GCNT1: variants seen among roughly 807,000 people sequenced by gnomAD.
GCNT1 encodes the protein glucosaminyl (N-acetyl) transferase 1, also known as beta-1,3-galactosyl-O-glycosyl-glycoprotein beta-1,6-N-acetylglucosaminyltransferase.
In GCNT1, 16 loss-of-function variants were observed where a neutral mutation model predicts 26.2. The ratio of observed to expected loss-of-function variants is 0.61; its 90% CI spans 0.41 to 0.93. The LOEUF is 0.93. GCNT1 is among the 40% of genes least tolerant of loss of function. The probability of loss-of-function intolerance (pLI) is 0.00; values close to 1 mark genes in which losing one functional copy is unlikely to be tolerated. For synonymous variants in GCNT1, 183 were observed against 190.8 expected (o/e 0.96, Z 0.34); for missense variants, 477 against 526.7 (o/e 0.91, Z 0.92).
upstream of GCNT1, among the ~76,000 whole-genome samples, chr9:76,436,756 A>T (rs35889208): frequency 0.39 from 59,721 of 152,034 alleles, 11,995 homozygotes; most frequent in Non-Finnish European, 0.44. Context: ...CTAACCTAAT[A>T]TAGGAAGTAA....
intron 2 of GCNT1, among the ~76,000 whole-genome samples, chr9:76,483,188 A>AT (rs1731822152): frequency 6.6e-6 from 1 of 152,150 alleles, no homozygotes; most frequent in African/African-American, 2.4e-5. Context: ...AATAATTAAA[A>AT]TTTTAAAAAA....
At chr9:76,452,516 A>C (rs188399178) in intron 1 of GCNT1, among the ~76,000 whole-genome samples, 1 of 152,330 alleles carries the variant, frequency 6.6e-6, no homozygotes, top group Non-Finnish European at 1.5e-5. Flanking sequence ...CACAGAAAGC[A>C]TGGCTTGGGA....
chr9:76,417,866 C>T (rs1209622583), upstream of GCNT1, among the ~76,000 whole-genome samples: 1 of 152,030 alleles, frequency 6.6e-6, no homozygotes, highest in African/African-American at 2.4e-5. Flanking sequence ...TGTAGAGGGG[C>T]CAAGGGAAAG....
chr9:76,458,951 C>T (rs750683429), upstream of GCNT1, among the ~76,000 whole-genome samples: 2 of 152,268 alleles, frequency 1.3e-5, no homozygotes, highest in African/African-American at 4.8e-5. Context: ...AGACGCCGCT[C>T]ACACACCTCT....
At chr9:76,482,529 C>T (rs1334874909) in intron 2 of GCNT1, among the ~76,000 whole-genome samples, 2 of 151,788 alleles carry the variant, frequency 1.3e-5, no homozygotes, top group East Asian at 3.9e-4. Context: ...GAGGCTGAGG[C>T]AGGAGAATGG....
chr9:76,393,876 C>G, the GCNT1 span: 1 of 554,070 alleles, frequency 1.8e-6, no homozygotes, highest in Non-Finnish European at 3.2e-6. Context: ...CCCCTCAACC[C>G]CGTCCCCGCG....
chr9:76,403,255 G>A, the GCNT1 span, among the ~76,000 whole-genome samples: 1 of 152,192 alleles, frequency 6.6e-6, no homozygotes, highest in Non-Finnish European at 1.5e-5. Flanking sequence ...AATCAAGGGT[G>A]TGATGATTAC....
chr9:76,438,084 A>T (rs1369632623), upstream of GCNT1, among the ~76,000 whole-genome samples: 1 of 152,132 alleles, frequency 6.6e-6, no homozygotes, highest in East Asian at 1.9e-4. Flanking sequence ...GTCTCAAGCA[A>T]TTTAGAGACT....
intron 2 of GCNT1, among the ~76,000 whole-genome samples, chr9:76,493,554 C>T (rs899169746): frequency 1.3e-5 from 2 of 152,152 alleles, no homozygotes; most frequent in Non-Finnish European, 2.9e-5. Context: ...GGGCCAAATT[C>T]CCCTCCCCCT....
chr9:76,443,077 A>G (rs1296938573), intron 1 of GCNT1, among the ~76,000 whole-genome samples: 1 of 152,118 alleles, frequency 6.6e-6, no homozygotes. Context: ...ATTTTGAAAT[A>G]GAGGCCAGGT....
In GCNT1 at chr9:76,502,635, G is replaced by A. The variant is rs77943551; in HGVS notation, c.254G>A (p.Arg85His). 7.4e-5 allele frequency: 119 copies of A among 1,613,884 alleles called. No homozygotes were observed. The African/African-American group carries it at 9.5e-4, about 13-fold the overall frequency. ...LEILTVKFKK[R>H]PRWTPDDYIN... The stretch of plus-strand genomic sequence containing the variant: ...ATCCTAACAGTGAAATTTAAAAAGC[G>A]CCCTCGGTGGACACCTGACGACTAT... Residue 85 changes from arginine to histidine, a missense_variant, in exon 4 of 4, where the codon CGC becomes CAC. Physicochemically the swap from Arg to His is conservative, Grantham distance 29 (BLOSUM62 0). Transcript: ENST00000376730.
chr9:76,467,116 C>T (rs1038378962), intron 2 of GCNT1, among the ~76,000 whole-genome samples: 3 of 151,884 alleles, frequency 2.0e-5, no homozygotes, highest in African/African-American at 7.3e-5. Flanking sequence ...GATCTCAGCT[C>T]ACTGCAACCT....
upstream of GCNT1, among the ~76,000 whole-genome samples, chr9:76,456,053 C>A (rs1823754704): frequency 1.3e-5 from 2 of 152,160 alleles, no homozygotes; most frequent in African/African-American, 4.8e-5. Flanking sequence ...TGTTTGTGAT[C>A]ATGAGTTTGC....
upstream of GCNT1, among the ~76,000 whole-genome samples, chr9:76,440,163 C>T (rs569326037): frequency 4.7e-4 from 71 of 151,942 alleles, no homozygotes; most frequent in African/African-American, 1.7e-3. Flanking sequence ...TATCTCATGT[C>T]CCAAATCTCT....
At chr9:76,410,750 C>T in the GCNT1 span, among the ~76,000 whole-genome samples, 2 of 152,148 alleles carry the variant, frequency 1.3e-5, no homozygotes, top group Admixed American at 1.3e-4. Context: ...CAATTATACC[C>T]CATTGATGGT....
intron 1 of GCNT1, among the ~76,000 whole-genome samples, chr9:76,427,198 C>CT (rs35341377): frequency 0.3 from 43,079 of 141,948 alleles, 7,307 homozygotes; most frequent in Non-Finnish European, 0.39. Context: ...CTGCCAACAC[C>CT]TTTTTTTTTT....
At chr9:76,488,061 C>T (rs759986323) in intron 2 of GCNT1, among the ~76,000 whole-genome samples, 2 of 152,216 alleles carry the variant, frequency 1.3e-5, no homozygotes, top group Non-Finnish European at 2.9e-5. Context: ...ACTCATTCTC[C>T]AGTAGCTGGA....
intron 2 of GCNT1, among the ~76,000 whole-genome samples, chr9:76,489,742 A>C (rs1291196519): frequency 6.6e-6 from 1 of 150,500 alleles, no homozygotes; most frequent in African/African-American, 2.4e-5. Context: ...TTCACCTCTC[A>C]ATCCCCCCTC....
At chr9:76,455,790 C>T (rs1253020159), upstream of GCNT1, among the ~76,000 whole-genome samples, 1 of 151,938 alleles carries the variant, frequency 6.6e-6, no homozygotes, top group Admixed American at 6.6e-5. Flanking sequence ...TTAGTAGAGA[C>T]GGGGTTTCGC....
Sources: allele counts gnomAD v4.1 joint callset (sites outside exome capture counted in the v4.1 genomes callset), GRCh38; gene constraint gnomAD v4.1.1; transcripts MANE v1.5; gene names NCBI Gene and HGNC (gene_info 2026-07-23, HGNC 2026-07-21).